PLBD1: variants seen among roughly 807,000 people sequenced by gnomAD.
PLBD1 encodes lysosomal leucine aminopeptidase.
Under a neutral mutation model 63.0 loss-of-function variants are expected in PLBD1, and 60 were observed. The observed-to-expected ratio is 0.95, with a 90% CI of 0.77 to 1.18. PLBD1 has a LOEUF of 1.18. PLBD1 is among the 50% of genes most tolerant of loss of function. The pLI, the probability that PLBD1 is intolerant of heterozygous loss-of-function variation, is 0.00. For missense variants in PLBD1, 598 were observed against 677.9 expected (o/e 0.88, Z 1.31); for synonymous variants, 262 against 248.0 (o/e 1.06, Z -0.53).
At chr12:14,509,425 C>G (rs74657475) in intron 8 of PLBD1, among the ~76,000 whole-genome samples, 4,975 of 152,250 alleles carry the variant, frequency 0.033, 271 homozygotes, top group African/African-American at 0.11. Flanking sequence ...GCTGGGTTCT[C>G]TGTTTTGAAT....
chr12:14,565,975 G>C (rs867938266), intron 1 of PLBD1, among the ~76,000 whole-genome samples: 1 of 152,268 alleles, frequency 6.6e-6, no homozygotes, highest in Admixed American at 6.5e-5. Flanking sequence ...TTTCTTACAA[G>C]GTGGTACCTT....
Position 14,553,369 on chromosome 12 carries a change from T to C in PLBD1, c.159A>G (p.Thr53=), listed in dbSNP as rs1225775103. 1 of 1,614,204 alleles carries C rather than the reference T, an allele frequency of 6.2e-7. No homozygotes were observed. Among genetic ancestry groups the C allele is most frequent in the South Asian group, 1.1e-5 (1 of 91,082 alleles). ...TGTCCATTACATTTTTGACTTGTAC[T>C]GTCTTTTCAGCAGGCATCCAGTATG... The part of the protein sequence containing the change: ...ATAYWMPAEK[T]VQVKNVMDKN... Residue 53 remains threonine, a synonymous_variant, in exon 2 of 11, where the codon ACA becomes ACG. Coordinates refer to ENST00000240617, the MANE Select transcript of PLBD1 (RefSeq NM_024829.6).
At chr12:14,519,222 C>G (rs1022692148) in intron 6 of PLBD1, among the ~76,000 whole-genome samples, 6 of 152,060 alleles carry the variant, frequency 3.9e-5, no homozygotes, top group Admixed American at 3.9e-4. Context: ...ACCCCTAGTA[C>G]CTGAAAATAT....
chr12:14,553,453 G>A lies in PLBD1; in HGVS notation c.116-41C>T, dbSNP rs891481045. Reference sequence around the variant, plus strand: ...ATAATGACAAAAACGCCATTCAAATGAGTTGTGATGCATTTTTTTCCTATG... The same window carrying A: ...ATAATGACAAAAACGCCATTCAAATAAGTTGTGATGCATTTTTTTCCTATG... On this transcript the variant is annotated intron_variant, in intron 1 of 10. Coordinates refer to ENST00000240617, the MANE Select transcript of PLBD1 (RefSeq NM_024829.6). 6 of 1,461,066 alleles carry A rather than the reference G, an allele frequency of 4.1e-6. No individual in the cohort carries two copies. In the Admixed American group the frequency reaches 7.0e-5, roughly 17 times the overall value. 90.5% of individuals were successfully genotyped at this position (1,461,066 alleles called of 1,614,324 possible). A position where few individuals can be genotyped will look rare whatever the true frequency, so the allele number is the denominator to read the frequency against.
Position 14,540,903 on chromosome 12 carries a change from C to G in PLBD1, c.420-1G>C, listed in dbSNP as rs1397885194. ...TTTCCGGGTCCACTTATCTTGCTTC[C>G]TGGAAGAGAAATTAGATTTGCACCA... On this transcript the variant is annotated splice_acceptor_variant, in intron 3 of 10. Transcript: ENST00000240617. LOFTEE classifies it high-confidence loss of function. 6 of 1,591,094 alleles carry G rather than the reference C, an allele frequency of 3.8e-6. No individual in the cohort carries two copies. The South Asian group carries it at 6.8e-5, about 18-fold the overall frequency.
Position 14,507,029 on chromosome 12 carries a change from A to G in PLBD1, c.1276T>C (p.Tyr426His). The change falls in exon 9 of 11, where the codon TAC becomes CAC. Residue 426 changes from tyrosine (Y) to histidine (H), a missense_variant. Tyr to His is a moderately conservative substitution (Grantham distance 83, BLOSUM62 2). Coordinates refer to ENST00000240617, the MANE Select transcript of PLBD1 (RefSeq NM_024829.6). ...PLLVQKLGLD[Y>H]SYDLAPRAKI... ...GCTCGTGGAGCTAAATCATAAGAGT[A>G]GTCCAAGCCCAGCTTCTGAACTAAC... The G allele has an allele frequency of 6.2e-7, 1 of 1,614,028 alleles. No homozygotes were observed. Among genetic ancestry groups the G allele is most frequent in the Non-Finnish European group, 8.5e-7 (1 of 1,179,924 alleles).
At chr12:14,551,311 C>T (rs1204205341) in intron 2 of PLBD1, among the ~76,000 whole-genome samples, 2 of 151,950 alleles carry the variant, frequency 1.3e-5, no homozygotes, top group South Asian at 2.1e-4. Context: ...TGCAGTGAGC[C>T]GAGATTGCGC....
chr12:14,567,734 G>T lies in PLBD1; in HGVS notation c.-38C>A. 1 of 1,387,122 alleles carries T rather than the reference G, an allele frequency of 7.2e-7. No homozygotes were observed. Among genetic ancestry groups the T allele is most frequent in the Non-Finnish European group, 9.2e-7 (1 of 1,082,532 alleles). 85.9% of individuals were successfully genotyped at this position (1,387,122 alleles called of 1,614,324 possible). ...GCGACCTTCCTCTGCGGGATCAGGC[G>T]GCCGCGGTGGCCCGCGGTGGCAGAA... On this transcript the variant is annotated 5_prime_UTR_variant, in exon 1 of 11. Coordinates refer to ENST00000240617, the MANE Select transcript of PLBD1 (RefSeq NM_024829.6).
chr12:14,542,305 T>A lies in PLBD1; in HGVS notation c.336-14A>T, dbSNP rs1360624343. 6.4e-7 allele frequency: 1 copy of A among 1,557,064 alleles called. No homozygotes were observed. The highest frequency in any genetic ancestry group is 1.7e-5 in the Admixed American group (1 of 59,414). ...TCATTCATGTGTCTGAAATGATACA[T>A]GAAAATTATTACATTTATATTTTTC... On this transcript the variant is annotated splice_polypyrimidine_tract_variant and intron_variant, in intron 2 of 10. Coordinates refer to ENST00000240617, the MANE Select transcript of PLBD1 (RefSeq NM_024829.6).
chr12:14,521,069 C>T (rs1945371228), intron 6 of PLBD1, among the ~76,000 whole-genome samples: 1 of 152,188 alleles, frequency 6.6e-6, no homozygotes, highest in African/African-American at 2.4e-5. Flanking sequence ...GCTGCAAGTA[C>T]ACTGTGCTTG....
intron 2 of PLBD1, among the ~76,000 whole-genome samples, chr12:14,544,117 T>C (rs907067333): frequency 1.3e-5 from 2 of 151,962 alleles, no homozygotes; most frequent in Non-Finnish European, 2.9e-5. Flanking sequence ...TTATCTTCAA[T>C]TGTCTGCAGT....
chr12:14,537,875 A>G (rs1251351979), intron 4 of PLBD1, among the ~76,000 whole-genome samples: 1 of 61,390 alleles, frequency 1.6e-5, no homozygotes, highest in African/African-American at 3.8e-5. Flanking sequence ...AGTTTATATC[A>G]GAAAGTCTCC....
Position 14,553,220 on chromosome 12 carries a change from C to A in PLBD1, c.308G>T (p.Gly103Val). ...GGCAGTGAGGTAACCCTCCAAAAAG[C>A]CAGCCACAAACATGATGATCTCATT... Reference protein sequence around the residue: ...LSNEIIMFVAGFLEGYLTAPH... With the variant: ...LSNEIIMFVAVFLEGYLTAPH... Residue 103 changes from glycine to valine, a missense_variant, in exon 2 of 11, where the codon GGC (glycine) becomes GTC (valine). Physicochemically the swap from Gly to Val is moderately radical, Grantham distance 109. Transcript: ENST00000240617. 6.2e-7 allele frequency: 1 copy of A among 1,613,290 alleles called. No homozygotes were observed. The highest frequency in any genetic ancestry group is 8.5e-7 in the Non-Finnish European group (1 of 1,179,800).
At chr12:14,560,875 G>A (rs1945738681) in intron 1 of PLBD1, among the ~76,000 whole-genome samples, 1 of 152,076 alleles carries the variant, frequency 6.6e-6, no homozygotes, top group Non-Finnish European at 1.5e-5. Context: ...CACAGGGGTT[G>A]ATCCCACTGG....
chr12:14,524,612 A>C (rs1555145729), intron 6 of PLBD1, among the ~76,000 whole-genome samples: 1 of 152,212 alleles, frequency 6.6e-6, no homozygotes, highest in Non-Finnish European at 1.5e-5. Context: ...TCTTGCCATA[A>C]GGAACTGATA....
chr12:14,559,832 G>C (rs900244178), intron 1 of PLBD1, among the ~76,000 whole-genome samples: 10 of 151,060 alleles, frequency 6.6e-5, no homozygotes, highest in African/African-American at 2.4e-4. Context: ...ATATTTACTT[G>C]TATACTCTGA....
At position 14,511,523 on chromosome 12, in the gene PLBD1, T is replaced by C; in HGVS notation, c.1033A>G (p.Lys345Glu). 1.2e-6 allele frequency: 2 copies of C among 1,614,238 alleles called. No homozygotes were observed. Among genetic ancestry groups the C allele is most frequent in the African/African-American group, 1.3e-5 (1 of 75,070 alleles). ...CAGGGTCACTTACCAGAGTTGTATT[T>C]TGAAAAGATGTCTGCCCACCTCTTG... ...SGKRWADIFS[K>E]YNSGTYNNQY... is the part of the protein sequence containing the mutation. Residue 345 changes from lysine to glutamate, a missense_variant, in exon 7 of 11, where the codon AAA becomes GAA. By Grantham distance (56) the Lys-to-Glu change is moderately conservative. Coordinates refer to ENST00000240617, the MANE Select transcript of PLBD1 (RefSeq NM_024829.6).
intron 1 of PLBD1, among the ~76,000 whole-genome samples, chr12:14,556,897 T>C (rs1490977765): frequency 6.7e-6 from 1 of 148,310 alleles, no homozygotes; most frequent in African/African-American, 2.5e-5. Context: ...GGCAGGAGAA[T>C]CGCTTGAACC....
chr12:14,538,174 CTTT>C (rs1449760836), intron 4 of PLBD1, among the ~76,000 whole-genome samples: 1 of 151,700 alleles, frequency 6.6e-6, no homozygotes, highest in South Asian at 2.1e-4. Context: ...CCTCACTCTT[CTTT>C]TTTTAATTAT....
Sources: gnomAD v4.1 joint callset for allele counts (sites outside exome capture counted in the v4.1 genomes callset) on GRCh38, gnomAD v4.1.1 for gene constraint, MANE v1.5 for transcripts, NCBI Gene and HGNC (gene_info 2026-07-23, HGNC 2026-07-21) for gene names.